Variants in TNR observed in about 807,000 individuals in gnomAD.
TNR encodes the protein tenascin R.
A neutral mutation model predicts 150.4 loss-of-function variants in TNR; 45 were observed. The observed-to-expected ratio is 0.30, with a 90% CI of 0.24 to 0.38. The LOEUF is 0.38. Among genes scored for constraint, TNR ranks in the 10% least tolerant of loss-of-function variants. The pLI is 1.00. For missense variants in TNR, 1,544 were observed against 1,759.1 expected, an observed-to-expected ratio of 0.88 and a Z score of 2.19; for synonymous variants, 687 against 678.4, an observed-to-expected ratio of 1.01 and a Z score of -0.20.
At chr1:175,486,829 G>T (rs754380045) in intron 2 of TNR, among the ~76,000 whole-genome samples, 2 of 152,236 alleles carry the variant, frequency 1.3e-5, no homozygotes, top group African/African-American at 2.4e-5. Context: ...ACTGGTGTGA[G>T]ATGGTATCTC....
At chr1:175,414,928 G>C (rs12027160) in intron 2 of TNR, among the ~76,000 whole-genome samples, 51,988 of 149,514 alleles carry the variant, frequency 0.35, 9,592 homozygotes, top group East Asian at 0.51. Flanking sequence ...ACATGGGCCA[G>C]TGGGGCCTCA....
intron 1 of TNR, among the ~76,000 whole-genome samples, chr1:175,577,053 A>G (rs1662146441): frequency 6.6e-6 from 1 of 152,092 alleles, no homozygotes; most frequent in East Asian, 1.9e-4. Flanking sequence ...CCCCCACACC[A>G]TATGCAGGGT....
At chr1:175,582,894 G>T (rs953328369) in intron 1 of TNR, among the ~76,000 whole-genome samples, 1 of 151,878 alleles carries the variant, frequency 6.6e-6, no homozygotes, top group Non-Finnish European at 1.5e-5. Context: ...GGTTAGTTCA[G>T]CCCCCTTTTC....
At chr1:175,588,764 A>G (rs985700094) in intron 1 of TNR, among the ~76,000 whole-genome samples, 2 of 152,154 alleles carry the variant, frequency 1.3e-5, no homozygotes, top group African/African-American at 2.4e-5. Context: ...ACATGAATAA[A>G]CTGGCCTCAG....
Position 175,526,011 on chromosome 1 carries a change from G to T in TNR, c.-64+2258C>A, listed in dbSNP as rs114412178. ...CATTTGTTTATGTCCACTTTTGCTG[G>T]TTTTTTTTTTTAAATTCCCCTTTCC... On this transcript the variant is annotated intron_variant, in intron 2 of 22. Coordinates refer to ENST00000367674, the MANE Select transcript of TNR (RefSeq NM_003285.3). Among the ~76,000 whole-genome samples, 1,302 of 147,304 alleles carry T rather than the reference G, an allele frequency of 8.8e-3. 13 individuals are homozygous for T. Among genetic ancestry groups the T allele is most frequent in the African/African-American group, 0.027 (1,077 of 40,344 alleles).
intron 2 of TNR, among the ~76,000 whole-genome samples, chr1:175,479,641 G>C (rs901615530): frequency 1.3e-5 from 2 of 152,092 alleles, no homozygotes; most frequent in African/African-American, 4.8e-5. Flanking sequence ...TCGGCCCCAC[G>C]TACTGCCTTG....
At chr1:175,447,439 G>C (rs1370604774) in intron 2 of TNR, among the ~76,000 whole-genome samples, 2 of 152,150 alleles carry the variant, frequency 1.3e-5, no homozygotes, top group Non-Finnish European at 2.9e-5. Flanking sequence ...TCATTGTTCT[G>C]CCTTCTTCCC....
intron 1 of TNR, among the ~76,000 whole-genome samples, chr1:175,546,697 C>G (rs796838488): frequency 6.6e-6 from 1 of 152,190 alleles, no homozygotes; most frequent in Non-Finnish European, 1.5e-5. Context: ...GTTGTCAGAT[C>G]ACCCCATGTC....
intron 1 of TNR, among the ~76,000 whole-genome samples, chr1:175,656,804 T>C (rs1434268871): frequency 6.6e-6 from 1 of 152,080 alleles, no homozygotes; most frequent in African/African-American, 2.4e-5. Flanking sequence ...TTGCATTACA[T>C]GTGGTTGTAT....
chr1:175,579,537 G>T (rs1662265490), intron 1 of TNR, among the ~76,000 whole-genome samples: 1 of 151,788 alleles, frequency 6.6e-6, no homozygotes, highest in African/African-American at 2.4e-5. Flanking sequence ...CTGAGGATTT[G>T]ACAGAAGAGC....
At chr1:175,414,987 G>T (rs1440998721) in intron 2 of TNR, among the ~76,000 whole-genome samples, 2 of 151,612 alleles carry the variant, frequency 1.3e-5, no homozygotes, top group Non-Finnish European at 2.9e-5. Context: ...TGAGCGTGAA[G>T]GTTGTTGGGC....
intron 11 of TNR, 125 bp from the exon 12 acceptor site, chr1:175,365,404 C>T (rs1250130875): frequency 2.5e-5 from 27 of 1,082,354 alleles, no homozygotes; most frequent in Non-Finnish European, 3.4e-5. Flanking sequence ...CACCCACTAA[C>T]CAAGAGATTC....
At chr1:175,346,808 A>C (rs1650808087) in intron 18 of TNR, among the ~76,000 whole-genome samples, 1 of 152,066 alleles carries the variant, frequency 6.6e-6, no homozygotes, top group Admixed American at 6.5e-5. Context: ...AAAGAAACGA[A>C]AAGACACAAA....
chr1:175,420,780 A>G (rs1654716232), intron 2 of TNR, among the ~76,000 whole-genome samples: 2 of 152,220 alleles, frequency 1.3e-5, no homozygotes, highest in Non-Finnish European at 2.9e-5. Context: ...TCCTATGGAT[A>G]ACAAGCCATG....
intron 2 of TNR, among the ~76,000 whole-genome samples, chr1:175,498,923 G>C (rs1211800288): frequency 6.6e-6 from 1 of 152,186 alleles, no homozygotes; most frequent in East Asian, 1.9e-4. Context: ...TAAACTGTTT[G>C]CTCTGCCTTC....
intron 1 of TNR, among the ~76,000 whole-genome samples, chr1:175,650,864 CTCATTCCTCCT>C (rs1664953095): frequency 1.7e-5 from 2 of 118,392 alleles, no homozygotes; most frequent in East Asian, 2.4e-4. Context: ...CATCTCCCAC[CTCATTCCTCCT>C]CCTCCCCACC....
rs577844881 is a variant in TNR, at chr1:175,320,927, G to C, written c.*2430C>G. 7 of 151,876 alleles carry C rather than the reference G, an allele frequency of 4.6e-5. No individual in the cohort carries two copies. Among genetic ancestry groups the C allele is most frequent in the African/African-American group, 1.7e-4 (7 of 41,294 alleles). The allele number at this position is 151,876 out of a possible 1,614,324, so 9.4% of individuals were successfully genotyped here. ...AGATCACAGATTAGCATCATTGACC[G>C]TCAAAACTGAAAGGGAAATTAGAAC... On this transcript the variant is annotated 3_prime_UTR_variant, in exon 23 of 23. Transcript: ENST00000367674.
intron 2 of TNR, among the ~76,000 whole-genome samples, chr1:175,505,137 C>CAA (rs1414310624): frequency 3.3e-5 from 1 of 30,108 alleles, no homozygotes; most frequent in Non-Finnish European, 6.0e-5. Context: ...CTGCAGCCCC[C>CAA]AAACCCAGGC....
chr1:175,458,720 A>G (rs539913113), intron 2 of TNR, among the ~76,000 whole-genome samples: 16 of 152,360 alleles, frequency 1.1e-4, no homozygotes, highest in African/African-American at 3.8e-4. Flanking sequence ...GAATTCAGAT[A>G]AACAGTTTTA....
Sources: allele counts gnomAD v4.1 joint callset (sites outside exome capture counted in the v4.1 genomes callset), GRCh38; gene constraint gnomAD v4.1.1; transcripts MANE v1.5; gene names NCBI Gene and HGNC (gene_info 2026-07-23, HGNC 2026-07-21).